ANKRD28: variants seen among roughly 807,000 people sequenced by gnomAD.
ANKRD28 encodes ankyrin repeat domain 28, also known as serine/threonine-protein phosphatase 6 regulatory ankyrin repeat subunit A.
A neutral mutation model predicts 126.5 loss-of-function variants in ANKRD28; 44 were observed. The ratio of observed to expected loss-of-function variants is 0.35; its 90% CI spans 0.27 to 0.45. The LOEUF is 0.45. ANKRD28 is among the 20% of genes least tolerant of loss of function. The probability of loss-of-function intolerance (pLI) is 1.00; values close to 1 mark genes in which losing one functional copy is unlikely to be tolerated. For missense variants in ANKRD28, 1,110 were observed against 1,316.6 expected (o/e 0.84, Z 2.43); for synonymous variants, 442 against 468.5 (o/e 0.94, Z 0.73).
chr3:15,819,976 C>G (rs1191907704), intron 1 of ANKRD28, among the ~76,000 whole-genome samples: 4 of 152,146 alleles, frequency 2.6e-5, no homozygotes, highest in African/African-American at 4.8e-5. Flanking sequence ...AAGGCAAAAG[C>G]AAATGACCAA....
chr3:15,735,169 T>C (rs1006269667), intron 6 of ANKRD28, among the ~76,000 whole-genome samples: 3 of 152,140 alleles, frequency 2.0e-5, no homozygotes, highest in Non-Finnish European at 2.9e-5. Context: ...CAGGCCTGTG[T>C]CTGGGACATC....
At chr3:15,823,291 T>C (rs557991050) in intron 1 of ANKRD28, among the ~76,000 whole-genome samples, 7 of 152,230 alleles carry the variant, frequency 4.6e-5, no homozygotes, top group African/African-American at 1.7e-4. Flanking sequence ...CAGGCAGTAA[T>C]GCTCCCTTGA....
At chr3:15,778,585 G>A (rs374104611) in intron 2 of ANKRD28, among the ~76,000 whole-genome samples, 2 of 152,130 alleles carry the variant, frequency 1.3e-5, no homozygotes, top group East Asian at 3.9e-4. Flanking sequence ...AAGCCAGCAA[G>A]AGAGAATATC....
intron 27 of ANKRD28, among the ~76,000 whole-genome samples, chr3:15,675,670 G>A (rs2066862493): frequency 6.6e-6 from 1 of 152,190 alleles, no homozygotes; most frequent in South Asian, 2.1e-4. Context: ...AGTATAAACA[G>A]TAAATACTAA....
intron 1 of ANKRD28, among the ~76,000 whole-genome samples, chr3:15,832,901 G>A (rs1351057878): frequency 6.6e-6 from 1 of 152,164 alleles, no homozygotes; most frequent in Non-Finnish European, 1.5e-5. Context: ...TACCAGTGTA[G>A]ATACCTTTTT....
chr3:15,744,620 A>G (rs2057355628), intron 4 of ANKRD28, among the ~76,000 whole-genome samples: 2 of 152,200 alleles, frequency 1.3e-5, no homozygotes, highest in South Asian at 4.2e-4. Context: ...CCTGGCCAAT[A>G]CAGTATTTTC....
chr3:15,810,254 T>A (rs1392402989), intron 1 of ANKRD28, among the ~76,000 whole-genome samples: 1 of 151,652 alleles, frequency 6.6e-6, no homozygotes, highest in East Asian at 1.9e-4. Context: ...AACAGTAAAC[T>A]GGGACAACTT....
chr3:15,689,646 A>G (rs1329789237), intron 18 of ANKRD28, among the ~76,000 whole-genome samples: 1 of 152,256 alleles, frequency 6.6e-6, no homozygotes, highest in African/African-American at 2.4e-5. Context: ...AGCCAGGCAC[A>G]AAGTTAGTTT....
At chr3:15,726,349 TA>T (rs79155808) in intron 6 of ANKRD28, among the ~76,000 whole-genome samples, 16,827 of 152,158 alleles carry the variant, frequency 0.11, 1,568 homozygotes, top group East Asian at 0.56. Flanking sequence ...CCAAGAAAAT[TA>T]AATGTGCTAC....
intron 6 of ANKRD28, chr3:15,733,480 A>G (rs2074797639): frequency 6.6e-6 from 1 of 152,356 alleles, no homozygotes; most frequent in Non-Finnish European, 1.5e-5. Flanking sequence ...TTCTGTGGAC[A>G]TACTGTTAGA....
rs555517977 is a variant in ANKRD28, at chr3:15,841,131, T to C, written c.27+18246A>G. ...TCCAGCCTAGGCAACAGAGCAAGACTGTGTCTCAAAAAAAGAAAAAAAGAA... is the reference window on the plus strand; with the variant it reads ...TCCAGCCTAGGCAACAGAGCAAGACCGTGTCTCAAAAAAAGAAAAAAAGAA... On this transcript the variant is annotated intron_variant, in intron 1 of 27. Coordinates refer to the ANKRD28 transcript ENST00000399451. Among the ~76,000 whole-genome samples the C allele has an allele frequency of 8.5e-5, 13 of 152,234 alleles. No individual in the cohort carries two copies. In the South Asian group the frequency reaches 1.5e-3, roughly 17 times the overall value.
At chr3:15,855,899 G>A (rs1025472465) in intron 1 of ANKRD28, among the ~76,000 whole-genome samples, 2 of 152,194 alleles carry the variant, frequency 1.3e-5, no homozygotes, top group African/African-American at 4.8e-5. Context: ...CCACTCAACT[G>A]TACCCTTTAA....
intron 17 of ANKRD28, among the ~76,000 whole-genome samples, chr3:15,694,222 A>AT (rs397810806): frequency 6.6e-6 from 1 of 151,824 alleles, no homozygotes; most frequent in Non-Finnish European, 1.5e-5. Flanking sequence ...CTGAAAAAAA[A>AT]TTTAGAGGAA....
intron 1 of ANKRD28, among the ~76,000 whole-genome samples, chr3:15,795,564 T>C (rs2060239673): frequency 6.6e-6 from 1 of 152,174 alleles, no homozygotes; most frequent in South Asian, 2.1e-4. Context: ...ATTTTATTTC[T>C]TGTAAGTAGA....
intron 26 of ANKRD28, chr3:15,676,222 C>T (rs1002081246): frequency 7.7e-6 from 3 of 390,050 alleles, no homozygotes; most frequent in South Asian, 1.1e-4. Context: ...TAGGTCCCAT[C>T]GACAGGTCCC....
At chr3:15,710,999 T>TTC (rs144820494) in intron 12 of ANKRD28, among the ~76,000 whole-genome samples, 201 of 151,140 alleles carry the variant, frequency 1.3e-3, no homozygotes, top group African/African-American at 4.2e-3. Flanking sequence ...TGTAGGTTTA[T>TTC]TCTCTCTCTC....
Position 15,793,882 on chromosome 3 carries a change from A to T in ANKRD28, c.201+1341T>A, listed in dbSNP as rs181675044. Among the ~76,000 whole-genome samples, 22 of 152,332 alleles carry T rather than the reference A, an allele frequency of 1.4e-4. 1 individual carries two copies. In the East Asian group the frequency reaches 2.3e-3, roughly 16 times the overall value. On this transcript the variant is annotated intron_variant, in intron 2 of 27. Coordinates refer to ENST00000683139, the MANE Select transcript of ANKRD28 (RefSeq NM_001349278.2). The stretch of plus-strand genomic sequence containing the variant: ...GGAGTTTGAGACCAGCCTGGCCAAC[A>T]TGGTGAATGAAACCCTGTCTCTACT...
At chr3:15,851,857 C>G (rs1451044774) in intron 1 of ANKRD28, among the ~76,000 whole-genome samples, 3 of 151,978 alleles carry the variant, frequency 2.0e-5, no homozygotes, top group Non-Finnish European at 2.9e-5. Context: ...GCATAACAAC[C>G]AAAAAATGTA....
rs1226795631 is a variant in ANKRD28 at position 15,850,204 on chromosome 3, A to AAT, written c.27+9171_27+9172dup. Among the ~76,000 whole-genome samples, 357 of 54,788 alleles carry AAT rather than the reference A, an allele frequency of 6.5e-3. 9 individuals are homozygous for AAT. Among genetic ancestry groups the AAT allele is most frequent in the Middle Eastern group, 0.015 (1 of 66 alleles). 35.9% of individuals were successfully genotyped at this position (54,788 alleles called of 152,430 possible). A position where few individuals can be genotyped will look rare whatever the true frequency, so the allele number is the denominator to read the frequency against. On this transcript the variant is annotated intron_variant, in intron 1 of 27. Coordinates refer to the ANKRD28 transcript ENST00000399451. Reference sequence around the variant, plus strand: ...TCTACATGCAATAAAAAAAAAAAAAAATATATATATATATATATATAGAGA... The same window carrying AAT: ...TCTACATGCAATAAAAAAAAAAAAAAATATATATATATATATATATATAGAGA...
Sources: gnomAD v4.1 joint callset for allele counts (sites outside exome capture counted in the v4.1 genomes callset) on GRCh38, gnomAD v4.1.1 for gene constraint, MANE v1.5 for transcripts, NCBI Gene and HGNC (gene_info 2026-07-23, HGNC 2026-07-21) for gene names.